The following CASK variants were observed in gnomAD, a reference collection of about 807,000 sequenced individuals.
The protein encoded by CASK is calcium/calmodulin dependent serine protein kinase.
CASK carries 4 observed loss-of-function variants against 82.9 expected under a neutral mutation model. That is an observed-to-expected ratio of 0.05 (90% confidence interval 0.02 to 0.11). CASK has a LOEUF of 0.11. CASK is among the 10% of genes least tolerant of loss of function. CASK has a pLI of 1.00. For missense variants in CASK, 358 were observed against 720.9 expected, an observed-to-expected ratio of 0.50 and a Z score of 5.76; for synonymous variants, 259 against 253.5, an observed-to-expected ratio of 1.02 and a Z score of -0.20.
intron 3 of CASK, among the ~76,000 whole-genome samples, chrX:41,778,179 T>C (rs2069400563): frequency 1.8e-5 from 2 of 111,905 alleles, no homozygotes; most frequent in Admixed American, 9.5e-5. Flanking sequence ...CAAAATTTTC[T>C]GTAATTTCTA....
chrX:41,864,582 G>A (rs2071554416), intron 1 of CASK, among the ~76,000 whole-genome samples: 1 of 111,478 alleles, frequency 9.0e-6, no homozygotes, highest in African/African-American at 3.3e-5. Context: ...AATTGAAATG[G>A]CTAAGAACCT....
At chrX:41,542,359 C>A (rs1374649781) in intron 22 of CASK, among the ~76,000 whole-genome samples, 1 of 112,806 alleles carries the variant, frequency 8.9e-6, no homozygotes, top group African/African-American at 3.2e-5. Flanking sequence ...CCAATCCCAG[C>A]CAAGGATAGA....
Position 41,556,440 on chromosome X carries a change from C to T in CASK, c.1806+592G>A, listed in dbSNP as rs73470561. Among the ~76,000 whole-genome samples the T allele has an allele frequency of 7.3e-3, 822 of 112,158 alleles. 4 individuals carry two copies. Among genetic ancestry groups the T allele is most frequent in the African/African-American group, 0.026 (798 of 30,969 alleles). ...CCAAGTTCAAGTCAAATATAAAGTA[C>T]TTTGTGTTAAAGATGTGATAACAGC... On this transcript the variant is annotated intron_variant, in intron 19 of 26. Transcript: ENST00000378163.
At chrX:41,785,152 G>A (rs1210770457) in intron 3 of CASK, among the ~76,000 whole-genome samples, 3 of 108,438 alleles carry the variant, frequency 2.8e-5, no homozygotes, top group Admixed American at 2.0e-4. Flanking sequence ...GACTACAGGC[G>A]TGTGCCACCA....
At chrX:41,764,411 G>A (rs2069069375) in intron 3 of CASK, among the ~76,000 whole-genome samples, 1 of 110,648 alleles carries the variant, frequency 9.0e-6, no homozygotes, top group African/African-American at 3.3e-5. Context: ...CCAAATCTCT[G>A]TATCTACCCA....
chrX:41,672,205 T>C (rs1377071207), intron 5 of CASK, among the ~76,000 whole-genome samples: 3 of 111,419 alleles, frequency 2.7e-5, no homozygotes, highest in Non-Finnish European at 5.7e-5. Flanking sequence ...ACTTGCCTGA[T>C]TCCTAGTCCA....
chrX:41,709,696 TCA>T (rs1289676975), intron 5 of CASK, among the ~76,000 whole-genome samples: 1 of 111,626 alleles, frequency 9.0e-6, no homozygotes, highest in East Asian at 2.8e-4. Context: ...TCAGTGGCTG[TCA>T]CTTATTATTA....
intron 12 of CASK, among the ~76,000 whole-genome samples, chrX:41,605,832 C>T (rs2065952170): frequency 9.0e-6 from 1 of 110,853 alleles, no homozygotes; most frequent in African/African-American, 3.3e-5. Flanking sequence ...GCATGCGCCA[C>T]CATGCCTAGC....
At chrX:41,635,790 G>A (rs1412864273) in intron 9 of CASK, 1 of 103,360 alleles carries the variant, frequency 9.7e-6, no homozygotes, top group African/African-American at 3.5e-5. Flanking sequence ...TAAAGAAGGT[G>A]AGAAAAGTGA....
intron 3 of CASK, among the ~76,000 whole-genome samples, chrX:41,747,517 C>T (rs969648834): frequency 1.8e-5 from 2 of 111,228 alleles, no homozygotes; most frequent in African/African-American, 6.5e-5. Context: ...CGGCTCACTG[C>T]GAGCTCCGCC....
At chrX:41,901,086 T>C (rs1173355719) in intron 1 of CASK, among the ~76,000 whole-genome samples, 1 of 111,835 alleles carries the variant, frequency 8.9e-6, no homozygotes, top group East Asian at 2.8e-4. Context: ...TCCATTTCTT[T>C]ATGACTGGTT....
At chrX:41,644,743 C>A (rs1025106220) in intron 8 of CASK, among the ~76,000 whole-genome samples, 1 of 111,650 alleles carries the variant, frequency 9.0e-6, no homozygotes, top group Non-Finnish European at 1.9e-5. Context: ...AAAGAGAATG[C>A]GCACCTAGGA....
intron 21 of CASK, 133 bp from the exon 22 acceptor site, chrX:41,542,939 G>C: frequency 2.2e-6 from 1 of 450,659 alleles, no homozygotes; most frequent in Non-Finnish European, 3.8e-6. Flanking sequence ...AAAAAATTTG[G>C]ACAAAGGCTA....
intron 2 of CASK, among the ~76,000 whole-genome samples, chrX:41,833,723 A>G (rs772100040): frequency 2.9e-3 from 320 of 112,091 alleles, no homozygotes; most frequent in Middle Eastern, 9.1e-3. Context: ...TTTGAGTTAT[A>G]CACCATGAAT....
At chrX:41,732,486 G>A (rs183639176) in intron 5 of CASK, among the ~76,000 whole-genome samples, 48 of 110,845 alleles carry the variant, frequency 4.3e-4, no homozygotes, top group African/African-American at 1.4e-3. Flanking sequence ...AAATCCTGCC[G>A]GCAAACCACA....
rs780931532 is a variant in CASK at position 41,787,567 on chromosome X, AC to A, written c.173-285del. Among the ~76,000 whole-genome samples, 328 of 108,974 alleles carry A rather than the reference AC, an allele frequency of 3.0e-3. 3 individuals carry two copies. The highest frequency in any genetic ancestry group is 8.5e-3 in the African/African-American group (254 of 29,949). 94.6% of individuals were successfully genotyped at this position (108,974 alleles called of 115,157 possible). A position where few individuals can be genotyped will look rare whatever the true frequency, so the allele number is the denominator to read the frequency against. On this transcript the variant is annotated intron_variant, in intron 2 of 26. Coordinates refer to ENST00000378163, the MANE Select transcript of CASK (RefSeq NM_001367721.1). ...CCCAAAAGCAAAAAAAAAAAAAAAA[AC>A]AAACCACAAATACTTTCCCCAACTC... is the stretch of plus-strand genomic sequence containing the variant.
At chrX:41,736,915 A>G (rs965771449) in intron 5 of CASK, among the ~76,000 whole-genome samples, 1 of 111,875 alleles carries the variant, frequency 8.9e-6, no homozygotes, top group African/African-American at 3.3e-5. Context: ...ACCTTGCACA[A>G]TAATTATTTG....
chrX:41,844,245 G>A (rs2071105544), intron 2 of CASK, among the ~76,000 whole-genome samples: 2 of 111,620 alleles, frequency 1.8e-5, no homozygotes, highest in South Asian at 7.4e-4. Flanking sequence ...AAAAAGTTGA[G>A]AAGTGTTCCC....
intron 9 of CASK, among the ~76,000 whole-genome samples, chrX:41,631,138 G>A (rs2066459576): frequency 2.7e-5 from 3 of 111,870 alleles, no homozygotes; most frequent in South Asian, 3.7e-4. Flanking sequence ...AATGAGACTT[G>A]TAAGTGTACT....
Sources: allele counts gnomAD v4.1 joint callset (sites outside exome capture counted in the v4.1 genomes callset), GRCh38; gene constraint gnomAD v4.1.1; transcripts MANE v1.5; gene names NCBI Gene and HGNC (gene_info 2026-07-23, HGNC 2026-07-21).